The following BICD1 variants were observed in gnomAD, a reference collection of about 807,000 sequenced individuals.
BICD1 encodes the protein protein bicaudal D homolog 1.
In BICD1, 35 loss-of-function variants were observed where a neutral mutation model predicts 92.5. That is an observed-to-expected ratio of 0.38 (90% CI 0.29 to 0.50). The LOEUF is 0.50. Among genes scored for constraint, BICD1 ranks in the 20% least tolerant of loss-of-function variants. BICD1 has a pLI of 0.93. For missense variants in BICD1, 950 were observed against 1,189.8 expected (o/e 0.80, Z 2.97); for synonymous variants, 429 against 465.1 (o/e 0.92, Z 1.00).
intron 8 of BICD1, among the ~76,000 whole-genome samples, chr12:32,359,044 C>T (rs1057118471): frequency 1.3e-5 from 2 of 152,166 alleles, no homozygotes; most frequent in Non-Finnish European, 2.9e-5. Context: ...CCTTTTCCCT[C>T]CCATAAGGAC....
chr12:32,148,556 C>T (rs1251819903), intron 1 of BICD1, among the ~76,000 whole-genome samples: 5 of 152,128 alleles, frequency 3.3e-5, no homozygotes, highest in Non-Finnish European at 7.4e-5. Flanking sequence ...TACAGTTTCC[C>T]AGCCCATGAA....
At chr12:32,317,102 A>G (rs1948524720) in intron 4 of BICD1, among the ~76,000 whole-genome samples, 3 of 152,242 alleles carry the variant, frequency 2.0e-5, no homozygotes, top group African/African-American at 7.2e-5. Context: ...AATCCAGTCT[A>G]TCATTGTTGG....
intron 2 of BICD1, among the ~76,000 whole-genome samples, chr12:32,223,729 C>T (rs1047430999): frequency 1.3e-5 from 2 of 152,152 alleles, no homozygotes; most frequent in African/African-American, 4.8e-5. Flanking sequence ...CTTAACTTGG[C>T]TAATTTGGCA....
intron 1 of BICD1, among the ~76,000 whole-genome samples, chr12:32,144,080 C>T (rs1943033854): frequency 6.6e-6 from 1 of 152,066 alleles, no homozygotes; most frequent in Non-Finnish European, 1.5e-5. Flanking sequence ...GCAGTTTACT[C>T]TTTTTGTGGT....
rs1456680135 is a variant in BICD1, at chr12:32,337,220, C to T, written c.2253-279C>T. Among the ~76,000 whole-genome samples, 1 of 152,162 alleles carries T rather than the reference C, an allele frequency of 6.6e-6. No individual in the cohort carries two copies. Among genetic ancestry groups the T allele is most frequent in the African/African-American group, 2.4e-5 (1 of 41,430 alleles). On this transcript the variant is annotated intron_variant, in intron 6 of 9. Coordinates refer to ENST00000652176, the MANE Select transcript of BICD1 (RefSeq NM_001714.4). This position sits in a 1 kb window ranked among gnomAD's most constrained non-coding sequence, Gnocchi z 4.7. ...CAAGATCACGCCACTGCACTCCAGC[C>T]TGGGCGATACAGCGAGACTCAGTCT...
chr12:32,354,593 G>T (rs899004989), intron 8 of BICD1, among the ~76,000 whole-genome samples: 3 of 152,150 alleles, frequency 2.0e-5, no homozygotes, highest in Non-Finnish European at 4.4e-5. Flanking sequence ...CACCCGATAA[G>T]TCAGAAATTA....
At chr12:32,172,021 A>G (rs17587240) in intron 1 of BICD1, among the ~76,000 whole-genome samples, 10,395 of 151,504 alleles carry the variant, frequency 0.069, 527 homozygotes, top group South Asian at 0.2. Flanking sequence ...ATTATACAGT[A>G]AGACAGATTT....
chr12:32,128,104 G>A (rs992072361), intron 1 of BICD1, among the ~76,000 whole-genome samples: 5 of 152,114 alleles, frequency 3.3e-5, no homozygotes, highest in African/African-American at 1.2e-4. Context: ...GGGTTTCACC[G>A]TGTTGGCCAG....
intron 1 of BICD1, among the ~76,000 whole-genome samples, chr12:32,207,716 C>A (rs1290441886): frequency 6.6e-6 from 1 of 151,942 alleles, no homozygotes; most frequent in Non-Finnish European, 1.5e-5. Context: ...TGAAAATTCC[C>A]ATTAAGAGAA....
rs575039109 is a variant in BICD1, at chr12:32,351,911, A to G, written c.2764+12932A>G. Among the ~76,000 whole-genome samples, 291 of 147,742 alleles carry G rather than the reference A, an allele frequency of 2.0e-3. 3 individuals carry two copies. The highest frequency in any genetic ancestry group is 6.8e-3 in the African/African-American group (272 of 40,216). On this transcript the variant is annotated intron_variant, in intron 8 of 9. Transcript: ENST00000652176. ...ACTACAGAGCGAGACTCTGTCTCGA[A>G]AAAAAAAAAAGTTGGCCAGGCACAG...
At chr12:32,257,875 A>T (rs1036535765) in intron 2 of BICD1, among the ~76,000 whole-genome samples, 1 of 152,224 alleles carries the variant, frequency 6.6e-6, no homozygotes, top group Non-Finnish European at 1.5e-5. Flanking sequence ...TAGATGATAC[A>T]TGTATGTGTG....
chr12:32,218,079 G>C (rs574829318), intron 2 of BICD1, among the ~76,000 whole-genome samples: 2 of 152,316 alleles, frequency 1.3e-5, no homozygotes, highest in Non-Finnish European at 2.9e-5. Context: ...GCTGAGCCAA[G>C]AACAGCCAAG....
At chr12:32,216,195 G>A (rs1190625307) in intron 1 of BICD1, 52 bp from the exon 2 acceptor site, 49 of 1,566,656 alleles carry the variant, frequency 3.1e-5, no homozygotes, top group Non-Finnish European at 4.3e-5. Flanking sequence ...TCTTAAAAGA[G>A]GGTTATGATG....
intron 2 of BICD1, among the ~76,000 whole-genome samples, chr12:32,256,342 G>A (rs750682453): frequency 4.6e-5 from 7 of 152,034 alleles, no homozygotes; most frequent in African/African-American, 1.2e-4. Flanking sequence ...GAGCCACTAC[G>A]CCCTGCCCTT....
chr12:32,342,956 C>T (rs145341622), intron 8 of BICD1, among the ~76,000 whole-genome samples: 7 of 152,266 alleles, frequency 4.6e-5, no homozygotes, highest in Admixed American at 1.3e-4. Context: ...TTAGTACAAC[C>T]TTTTAAGGGA....
At chr12:32,306,934 T>A (rs2650126) in intron 4 of BICD1, among the ~76,000 whole-genome samples, 115,161 of 150,970 alleles carry the variant, frequency 0.76, 44,359 homozygotes, top group African/African-American at 0.82. Context: ...GGAGAATCAC[T>A]TGAACCCGGG....
At chr12:32,270,951 A>C (rs1947122711) in intron 2 of BICD1, among the ~76,000 whole-genome samples, 1 of 152,264 alleles carries the variant, frequency 6.6e-6, no homozygotes, top group South Asian at 2.1e-4. Context: ...TTCAAGGAAC[A>C]ACATAGAGAG....
intron 8 of BICD1, among the ~76,000 whole-genome samples, chr12:32,362,410 T>C (rs1939365336): frequency 6.6e-6 from 1 of 152,220 alleles, no homozygotes; most frequent in Non-Finnish European, 1.5e-5. Flanking sequence ...ATTGAAAATT[T>C]TATAAATAAT....
At chr12:32,111,237 A>G (rs1259734194) in intron 1 of BICD1, among the ~76,000 whole-genome samples, 1 of 152,224 alleles carries the variant, frequency 6.6e-6, no homozygotes, top group African/African-American at 2.4e-5. Flanking sequence ...CCAGCTGCTG[A>G]AGAAGCACTT....
Sources: allele counts gnomAD v4.1 joint callset (sites outside exome capture counted in the v4.1 genomes callset), GRCh38; gene constraint gnomAD v4.1.1; non-coding constraint Gnocchi (gnomAD v3.1); transcripts MANE v1.5; gene names NCBI Gene and HGNC (gene_info 2026-07-23, HGNC 2026-07-21).